CCT2: variants seen among roughly 807,000 people sequenced by gnomAD.
CCT2 encodes the protein T-complex protein 1 subunit beta.
CCT2 carries 18 observed loss-of-function variants against 61.8 expected under a neutral mutation model. The observed-to-expected ratio is 0.29, with a 90% CI of 0.20 to 0.43. The LOEUF is 0.43. CCT2 is among the 20% of genes least tolerant of loss of function. CCT2 has a pLI of 1.00. For missense variants in CCT2, 556 were observed against 656.9 expected (o/e 0.85, Z 1.68); for synonymous variants, 248 against 215.9 (o/e 1.15, Z -1.30).
At chr12:69,596,649 C>T (rs754535326) in intron 10 of CCT2, among the ~76,000 whole-genome samples, 5 of 152,142 alleles carry the variant, frequency 3.3e-5, no homozygotes, top group Non-Finnish European at 7.4e-5. Context: ...TTAAGCAGTT[C>T]ATGAAGTGTA....
At chr12:69,585,933 G>T in intron 1 of CCT2, 1 of 1,269,998 alleles carries the variant, frequency 7.9e-7, no homozygotes, top group Non-Finnish European at 1.0e-6. Flanking sequence ...TCCCTCGCCC[G>T]CCCGGCAGGC....
intron 1 of CCT2, chr12:69,585,920 C>G (rs1881636999): frequency 1.6e-6 from 2 of 1,260,660 alleles, no homozygotes; most frequent in Middle Eastern, 3.2e-4. Context: ...ATGGAGGCCG[C>G]GTTCCCTCGC....
rs1427701363 is a variant in CCT2, at chr12:69,585,528, A to G, written c.3+4A>G. 1 of 1,570,760 alleles carries G rather than the reference A, an allele frequency of 6.4e-7. No homozygotes were observed. Reference sequence around the variant, plus strand: ...TGCGGAACTCCTCGGAACCATGGTGAGCCTGACTCCCCTGCCTCTTGCCCT... The same window carrying G: ...TGCGGAACTCCTCGGAACCATGGTGGGCCTGACTCCCCTGCCTCTTGCCCT... On this transcript the variant is annotated splice_donor_region_variant and intron_variant, in intron 1 of 15. Transcript: ENST00000299300.
At chr12:69,588,491 A>AT (rs1881733836) in intron 6 of CCT2, 1 of 423,298 alleles carries the variant, frequency 2.4e-6, no homozygotes, top group African/African-American at 2.0e-5. Context: ...AGCAAATAGT[A>AT]TAATACTGTA....
At chr12:69,587,840 C>G (rs904126237) in intron 4 of CCT2, 90 bp from the exon 5 acceptor site, 91 of 1,055,840 alleles carry the variant, frequency 8.6e-5, no homozygotes, top group South Asian at 6.6e-4. Context: ...AATGAGGAAC[C>G]CTGGTAAGTT....
chr12:69,600,910 GA>G (rs926146450), intron 15 of CCT2, among the ~76,000 whole-genome samples: 2 of 152,206 alleles, frequency 1.3e-5, no homozygotes, highest in African/African-American at 4.8e-5. Context: ...TAAAAGATGA[GA>G]ATAGAAGGTG....
intron 10 of CCT2, among the ~76,000 whole-genome samples, chr12:69,595,322 T>G (rs768232326): frequency 5.9e-5 from 9 of 152,202 alleles, no homozygotes; most frequent in Non-Finnish European, 1.3e-4. Context: ...GCGTACTTGA[T>G]GCTTTAAGGT....
chr12:69,594,094 G>A (rs1169082757), intron 10 of CCT2, among the ~76,000 whole-genome samples: 5 of 151,610 alleles, frequency 3.3e-5, no homozygotes, highest in Admixed American at 6.6e-5. Context: ...AGCGGAGATC[G>A]TGCCACTGCG....
chr12:69,589,715 C>A (rs762742819), intron 7 of CCT2, 28 bp downstream of exon 7: 1 of 1,557,404 alleles, frequency 6.4e-7, no homozygotes, highest in South Asian at 1.1e-5. Flanking sequence ...ATACAAGAAG[C>A]TTTGATTAGA....
intron 6 of CCT2, among the ~76,000 whole-genome samples, chr12:69,588,750 T>A (rs1881744445): frequency 6.6e-6 from 1 of 152,184 alleles, no homozygotes; most frequent in Non-Finnish European, 1.5e-5. Context: ...TAAGTGTGTG[T>A]GTTTTAAGGC....
chr12:69,588,261 G>A lies in CCT2; in HGVS notation c.445G>A (p.Gly149Ser). 3 of 1,605,158 alleles carry A rather than the reference G, an allele frequency of 1.9e-6. No homozygotes were observed. Among genetic ancestry groups the A allele is most frequent in the Non-Finnish European group, 2.6e-6 (3 of 1,171,956 alleles). Reference protein sequence around the residue: ...EALLSSAVDHGSDEVKFRQDL... With the variant: ...EALLSSAVDHSSDEVKFRQDL... Reference sequence around the variant, plus strand: ...GCTGTTGAGTTCTGCAGTTGATCATGGGTTTGTATAGCAAAGTACTACTGT... The same window carrying A: ...GCTGTTGAGTTCTGCAGTTGATCATAGGTTTGTATAGCAAAGTACTACTGT... Residue 149 changes from glycine to serine, a missense_variant and splice_region_variant, in exon 6 of 16, where the codon GGT (glycine) becomes AGT (serine). Coordinates refer to ENST00000299300, the MANE Select transcript of CCT2 (RefSeq NM_006431.3).
chr12:69,592,802 C>T, intron 8 of CCT2, 174 bp from the exon 9 acceptor site: 2 of 501,814 alleles, frequency 4.0e-6, no homozygotes. Flanking sequence ...GTGGCGCACA[C>T]CTGTAATCCC....
chr12:69,595,702 A>AAG (rs1881967810), intron 10 of CCT2, among the ~76,000 whole-genome samples: 1 of 151,830 alleles, frequency 6.6e-6, no homozygotes, highest in African/African-American at 2.4e-5. Flanking sequence ...AAAAAAAAAA[A>AAG]AAAAAGATGT....
At chr12:69,592,939 T>C in intron 8 of CCT2, 37 bp from the exon 9 acceptor site, 1 of 1,595,344 alleles carries the variant, frequency 6.3e-7, no homozygotes, top group South Asian at 1.1e-5. Context: ...AAAAAAATAA[T>C]GAAACTGATG....
chr12:69,586,480 C>T lies in CCT2; in HGVS notation c.78+136C>T. On this transcript the variant is annotated intron_variant, in intron 2 of 15. Coordinates refer to ENST00000299300, the MANE Select transcript of CCT2 (RefSeq NM_006431.3). The stretch of plus-strand genomic sequence containing the variant: ...GTCAGGAGTTCGAGACCAGCCTGGC[C>T]AACATGGTAAAACCCCGTTTCTACT... The T allele has an allele frequency of 1.2e-5, 8 of 683,038 alleles. No homozygotes were observed. In the South Asian group the frequency reaches 1.4e-4, roughly 12 times the overall value. The allele number at this position is 683,038 out of a possible 1,614,324, so 42.3% of individuals were successfully genotyped here.
chr12:69,587,469 T>C (rs1475777034), intron 3 of CCT2, 36 bp from the exon 4 acceptor site: 2 of 1,175,356 alleles, frequency 1.7e-6, no homozygotes, highest in Non-Finnish European at 2.6e-6. Context: ...CAAGATGTGC[T>C]TATGTCTTAA....
chr12:69,594,846 TAAAA>T (rs67999092), intron 10 of CCT2, among the ~76,000 whole-genome samples: 27 of 140,228 alleles, frequency 1.9e-4, no homozygotes, highest in Non-Finnish European at 2.9e-4. Flanking sequence ...ACCCTGTCTT[TAAAA>T]AAAAAAAAAA....
intron 6 of CCT2, 72 bp from the exon 7 acceptor site, chr12:69,589,409 CTATT>C: frequency 1.0e-6 from 1 of 975,548 alleles, no homozygotes; most frequent in Non-Finnish European, 1.6e-6. Context: ...GTAAAATTAT[CTATT>C]GACATGAATA....
intron 4 of CCT2, 45 bp downstream of exon 4, chr12:69,587,661 T>G (rs1447386852): frequency 8.1e-7 from 1 of 1,231,660 alleles, no homozygotes; most frequent in African/African-American, 1.5e-5. Context: ...ATACTGTTTG[T>G]TAACATTTTT....
Sources: allele counts gnomAD v4.1 joint callset (sites outside exome capture counted in the v4.1 genomes callset), GRCh38; gene constraint gnomAD v4.1.1; transcripts MANE v1.5; gene names NCBI Gene and HGNC (gene_info 2026-07-23, HGNC 2026-07-21).